The following OR56A3 variants were observed in gnomAD, a reference collection of about 807,000 sequenced individuals.
OR56A3 encodes olfactory receptor 56A3.
In OR56A3, 23 loss-of-function variants were observed where a neutral mutation model predicts 17.5. That is an observed-to-expected ratio of 1.32 (90% CI 0.95 to 1.87). The LOEUF (loss-of-function observed/expected upper bound fraction) is 1.87. Among genes scored for constraint, OR56A3 ranks in the 40% most tolerant of loss-of-function variants. The probability of loss-of-function intolerance (pLI) is 0.00; values close to 1 mark genes in which losing one functional copy is unlikely to be tolerated. For missense variants in OR56A3, 366 were observed against 380.1 expected, an observed-to-expected ratio of 0.96 and a Z score of 0.31; for synonymous variants, 175 against 150.6, an observed-to-expected ratio of 1.16 and a Z score of -1.19.
At chr11:5,970,753 A>T in the OR56A3 span, among the ~76,000 whole-genome samples, 1 of 152,092 alleles carries the variant, frequency 6.6e-6, no homozygotes, top group African/African-American at 2.4e-5. Context: ...AATACTGCAC[A>T]AATCACACCA....
chr11:5,954,440 C>T (rs1279361254), downstream of OR56A3, among the ~76,000 whole-genome samples: 1 of 152,030 alleles, frequency 6.6e-6, no homozygotes, highest in East Asian at 1.9e-4. Context: ...TGGTTGAGTC[C>T]TGGGGAGTTA....
the OR56A3 span, among the ~76,000 whole-genome samples, chr11:5,975,240 G>A: frequency 2.6e-5 from 4 of 152,172 alleles, no homozygotes; most frequent in Non-Finnish European, 5.9e-5. Context: ...AAGTTCTAGG[G>A]AACATGTGCA....
At chr11:5,975,690 C>A in the OR56A3 span, among the ~76,000 whole-genome samples, 1 of 152,042 alleles carries the variant, frequency 6.6e-6, no homozygotes, top group East Asian at 1.9e-4. Context: ...GTCTTTATAG[C>A]AGCATGATTT....
downstream of OR56A3, among the ~76,000 whole-genome samples, chr11:5,956,079 A>G (rs1395386826): frequency 6.6e-6 from 1 of 152,210 alleles, no homozygotes; most frequent in Non-Finnish European, 1.5e-5. Context: ...TTCCATTTAC[A>G]CAATGCAGTA....
the OR56A3 span, chr11:6,002,955 G>A: frequency 1.9e-6 from 3 of 1,614,038 alleles, no homozygotes; most frequent in Non-Finnish European, 2.5e-6. Context: ...GAGGAATTCA[G>A]AGACTGGGGC....
the OR56A3 span, among the ~76,000 whole-genome samples, chr11:5,964,387 A>G: frequency 6.6e-6 from 1 of 152,346 alleles, no homozygotes; most frequent in Non-Finnish European, 1.5e-5. Flanking sequence ...TTCAACAATA[A>G]GCCTGTCCAG....
chr11:5,968,094 T>C, the OR56A3 span: 11 of 1,613,802 alleles, frequency 6.8e-6, no homozygotes, highest in African/African-American at 1.5e-4. Context: ...GGATGAGTAC[T>C]GTAGGGGCTT....
At chr11:5,955,189 T>TGTA (rs1327402840), downstream of OR56A3, among the ~76,000 whole-genome samples, 6 of 152,176 alleles carry the variant, frequency 3.9e-5, no homozygotes, top group Non-Finnish European at 7.4e-5. Context: ...GCCATTAATC[T>TGTA]GTAGTAGTAT....
chr11:5,958,206 C>A, the OR56A3 span, among the ~76,000 whole-genome samples: 4 of 151,958 alleles, frequency 2.6e-5, no homozygotes, highest in African/African-American at 4.8e-5. Context: ...TGCATTGATT[C>A]CAACTAGACT....
At chr11:6,017,722 A>G in the OR56A3 span, among the ~76,000 whole-genome samples, 1 of 152,224 alleles carries the variant, frequency 6.6e-6, no homozygotes. Context: ...TCTGTCAGTA[A>G]TAACTTTTAA....
In OR56A3 at chr11:5,950,066, C is replaced by A. The variant is rs534782076; in HGVS notation, c.*1772C>A. The A allele has an allele frequency of 2.1e-4, 32 of 152,178 alleles. No individual in the cohort carries two copies. The highest frequency in any genetic ancestry group is 7.2e-4 in the African/African-American group (30 of 41,540). The allele number at this position is 152,178 out of a possible 1,614,324, so 9.4% of individuals were successfully genotyped here. A position where few individuals can be genotyped will look rare whatever the true frequency, so the allele number is the denominator to read the frequency against. On this transcript the variant is annotated 3_prime_UTR_variant, in exon 3 of 3. Transcript: ENST00000641160. The stretch of plus-strand genomic sequence containing the variant: ...AACCGTATACCATGGAAGAATCTTA[C>A]AATTATAAAGATATAACATGCTTGT...
Position 5,944,491 on chromosome 11 carries a change from A to G in OR56A3, c.-313-315A>G, listed in dbSNP as rs1262785927. Among the ~76,000 whole-genome samples the G allele has an allele frequency of 2.0e-5, 3 of 152,218 alleles. No homozygotes were observed. In the South Asian group the frequency reaches 6.2e-4, roughly 32 times the overall value. ...TGGAAAAGAAAAACCTACAAAATAT[A>G]TAAAACAAAATCCCAAATAACATAA... On this transcript the variant is annotated intron_variant, in intron 1 of 2. Coordinates refer to ENST00000641160, the MANE Select transcript of OR56A3 (RefSeq NM_001003443.3).
chr11:5,967,676 C>A, the OR56A3 span: 9 of 1,613,716 alleles, frequency 5.6e-6, no homozygotes, highest in Non-Finnish European at 7.6e-6. Context: ...TGGGGACATC[C>A]GGAGGAATTC....
the OR56A3 span, among the ~76,000 whole-genome samples, chr11:5,966,299 G>C: frequency 1.3e-5 from 2 of 151,824 alleles, no homozygotes; most frequent in South Asian, 4.2e-4. Flanking sequence ...ACTTAAGCCT[G>C]GGAGACAGAG....
the OR56A3 span, among the ~76,000 whole-genome samples, chr11:6,014,526 C>T: frequency 6.6e-6 from 1 of 152,184 alleles, no homozygotes; most frequent in East Asian, 1.9e-4. Context: ...TGAGTCCTCA[C>T]CAGAAGCAGA....
chr11:5,976,506 T>C, the OR56A3 span, among the ~76,000 whole-genome samples: 1 of 152,166 alleles, frequency 6.6e-6, no homozygotes, highest in Admixed American at 6.6e-5. Context: ...TTTGTAACAC[T>C]TATTTTACTA....
At chr11:6,014,575 C>A in the OR56A3 span, among the ~76,000 whole-genome samples, 3 of 152,080 alleles carry the variant, frequency 2.0e-5, no homozygotes, top group Non-Finnish European at 4.4e-5. Flanking sequence ...TAACTATGAG[C>A]TAATTGGTAC....
chr11:5,969,349 A>G, the OR56A3 span, among the ~76,000 whole-genome samples: 1 of 152,142 alleles, frequency 6.6e-6, no homozygotes, highest in Non-Finnish European at 1.5e-5. Context: ...CAAATACTAA[A>G]TCTCCTCTTC....
At chr11:6,012,198 G>A in the OR56A3 span, among the ~76,000 whole-genome samples, 2 of 152,326 alleles carry the variant, frequency 1.3e-5, no homozygotes, top group African/African-American at 4.8e-5. Context: ...ACAGACAAGC[G>A]GAGGTTGAGC....
Sources: allele counts gnomAD v4.1 joint callset (sites outside exome capture counted in the v4.1 genomes callset), GRCh38; gene constraint gnomAD v4.1.1; transcripts MANE v1.5; gene names NCBI Gene and HGNC (gene_info 2026-07-23, HGNC 2026-07-21).